Variants in BORCS5 observed in about 807,000 individuals in gnomAD.
The protein encoded by BORCS5 is BLOC-1-related complex subunit 5.
A neutral mutation model predicts 22.1 loss-of-function variants in BORCS5; 17 were observed. That is an observed-to-expected ratio of 0.77 (90% CI 0.53 to 1.15). The LOEUF is 1.15. BORCS5 is among the 50% of genes most tolerant of loss of function. BORCS5 has a pLI of 0.00. For missense variants in BORCS5, 247 were observed against 253.2 expected (o/e 0.98, Z 0.17); for synonymous variants, 117 against 99.8 (o/e 1.17, Z -1.03).
intron 2 of BORCS5, among the ~76,000 whole-genome samples, chr12:12,375,398 A>T (rs1296078290): frequency 1.3e-5 from 2 of 152,072 alleles, no homozygotes; most frequent in African/African-American, 4.8e-5. Flanking sequence ...CTGAGGCAGG[A>T]GGATTGCTTG....
At chr12:12,376,045 C>T (rs761272432) in intron 2 of BORCS5, among the ~76,000 whole-genome samples, 5 of 152,100 alleles carry the variant, frequency 3.3e-5, no homozygotes, top group African/African-American at 4.8e-5. Context: ...CCTCATGATC[C>T]GCCCACCTCG....
chr12:12,370,373 T>C (rs1424570352), intron 2 of BORCS5, among the ~76,000 whole-genome samples: 1 of 152,178 alleles, frequency 6.6e-6, no homozygotes, highest in East Asian at 1.9e-4. Context: ...CCCACTTTTG[T>C]TATAAAGTCA....
intron 2 of BORCS5, among the ~76,000 whole-genome samples, chr12:12,402,739 A>G (rs2136074875): frequency 6.6e-6 from 1 of 152,344 alleles, no homozygotes; most frequent in South Asian, 2.1e-4. Flanking sequence ...TTGTTTTTAA[A>G]CAAAAGTCTC....
At chr12:12,444,247 A>G (rs1031200781) in intron 3 of BORCS5, among the ~76,000 whole-genome samples, 8 of 152,246 alleles carry the variant, frequency 5.3e-5, no homozygotes, top group African/African-American at 1.4e-4. Flanking sequence ...AAGCTAGGCT[A>G]CAGCTGTAAG....
chr12:12,461,150 T>A (rs1413167455), intron 3 of BORCS5, among the ~76,000 whole-genome samples: 1 of 150,916 alleles, frequency 6.6e-6, no homozygotes. Flanking sequence ...AGACAAAGGC[T>A]TTATTGCATT....
intron 1 of BORCS5, among the ~76,000 whole-genome samples, chr12:12,357,897 G>A (rs966011425): frequency 6.6e-6 from 1 of 152,220 alleles, no homozygotes; most frequent in Non-Finnish European, 1.5e-5. Flanking sequence ...ACGGGTGTTA[G>A]AGGTTCCTTT....
intron 3 of BORCS5, among the ~76,000 whole-genome samples, chr12:12,451,458 A>G (rs186228256): frequency 6.6e-5 from 10 of 152,348 alleles, no homozygotes; most frequent in Middle Eastern, 3.4e-3. Context: ...AAATATCTCA[A>G]ACACTTTTTA....
intron 2 of BORCS5, among the ~76,000 whole-genome samples, chr12:12,362,562 A>C (rs1184419080): frequency 1.3e-5 from 2 of 149,726 alleles, no homozygotes; most frequent in Admixed American, 6.7e-5. Context: ...TTTCTTCCCT[A>C]CAGGCCTGAG....
intron 2 of BORCS5, among the ~76,000 whole-genome samples, chr12:12,421,866 T>C (rs1234026623): frequency 6.6e-6 from 1 of 152,218 alleles, no homozygotes; most frequent in Non-Finnish European, 1.5e-5. Flanking sequence ...TCTCTGATGA[T>C]AGTTTGTATT....
intron 2 of BORCS5, among the ~76,000 whole-genome samples, chr12:12,383,473 GTTC>G (rs1317411454): frequency 2.0e-5 from 3 of 151,398 alleles, no homozygotes; most frequent in Middle Eastern, 3.4e-3. Context: ...GTGTTCCTCA[GTTC>G]TTCTTGGACT....
At chr12:12,414,690 A>ACC (rs1266094128) in intron 2 of BORCS5, among the ~76,000 whole-genome samples, 18,619 of 68,482 alleles carry the variant, frequency 0.27, 2,913 homozygotes, top group Non-Finnish European at 0.34. Flanking sequence ...CGGGGGGCTG[A>ACC]CCCCCCCCAC....
chr12:12,435,514 G>A (rs1942535696), intron 2 of BORCS5, 114 bp from the exon 3 acceptor site: 3 of 834,084 alleles, frequency 3.6e-6, no homozygotes, highest in Non-Finnish European at 5.5e-6. Flanking sequence ...TATAACAAAA[G>A]ATGCAAGATT....
intron 2 of BORCS5, among the ~76,000 whole-genome samples, chr12:12,391,680 G>A (rs1317503753): frequency 2.0e-5 from 3 of 150,850 alleles, no homozygotes; most frequent in South Asian, 4.2e-4. Context: ...GAGCCACCAC[G>A]CCTGGCACAA....
chr12:12,414,188 G>A (rs1941839745), intron 2 of BORCS5, among the ~76,000 whole-genome samples: 1 of 101,696 alleles, frequency 9.8e-6, no homozygotes, highest in Non-Finnish European at 2.1e-5. Context: ...CCCGGATGGG[G>A]CGGCTGGCCA....
At chr12:12,377,954 T>C (rs191735391) in intron 2 of BORCS5, among the ~76,000 whole-genome samples, 1 of 152,314 alleles carries the variant, frequency 6.6e-6, no homozygotes, top group East Asian at 1.9e-4. Context: ...GGAGGGGACA[T>C]TGAAGGATAT....
chr12:12,464,924 C>T (rs1943171713), intron 3 of BORCS5, among the ~76,000 whole-genome samples: 1 of 152,108 alleles, frequency 6.6e-6, no homozygotes, highest in Non-Finnish European at 1.5e-5. Context: ...TGCAGCCGTC[C>T]AGGGAAGAGA....
chr12:12,382,452 T>G (rs531103906), intron 2 of BORCS5, among the ~76,000 whole-genome samples: 1 of 151,154 alleles, frequency 6.6e-6, no homozygotes, highest in Non-Finnish European at 1.5e-5. Flanking sequence ...AGGGGCCACA[T>G]TTTAACATGA....
At chr12:12,365,221 A>G (rs1363290488) in intron 2 of BORCS5, among the ~76,000 whole-genome samples, 1 of 152,082 alleles carries the variant, frequency 6.6e-6, no homozygotes, top group African/African-American at 2.4e-5. Context: ...TGGTTAAGGA[A>G]GGTAGAGATG....
chr12:12,437,203 C>T (rs2136126817), intron 3 of BORCS5, among the ~76,000 whole-genome samples: 1 of 152,288 alleles, frequency 6.6e-6, no homozygotes, highest in African/African-American at 2.4e-5. Flanking sequence ...ATGCTGTTCG[C>T]ATGATAGTGA....
Sources: allele counts gnomAD v4.1 joint callset (sites outside exome capture counted in the v4.1 genomes callset), GRCh38; gene constraint gnomAD v4.1.1; transcripts MANE v1.5; gene names NCBI Gene and HGNC (gene_info 2026-07-23, HGNC 2026-07-21).